The following TENM4 variants were observed in gnomAD, a reference collection of about 807,000 sequenced individuals.
TENM4 encodes teneurin-4.
TENM4 carries 82 observed loss-of-function variants against 243.3 expected under a neutral mutation model. That is an observed-to-expected ratio of 0.34 (90% CI 0.28 to 0.40). The LOEUF (loss-of-function observed/expected upper bound fraction) is 0.40, where lower values mean the gene tolerates loss of function less well. TENM4 is among the 10% of genes least tolerant of loss of function. The probability of loss-of-function intolerance (pLI) is 1.00; values close to 1 mark genes in which losing one functional copy is unlikely to be tolerated. For missense variants in TENM4, 3,138 were observed against 3,673.3 expected, an observed-to-expected ratio of 0.85 and a Z score of 3.77; for synonymous variants, 1,412 against 1,456.3, an observed-to-expected ratio of 0.97 and a Z score of 0.69.
chr11:79,374,641 G>A (rs1857854714), intron 1 of TENM4, among the ~76,000 whole-genome samples: 1 of 151,776 alleles, frequency 6.6e-6, no homozygotes, highest in African/African-American at 2.4e-5. Flanking sequence ...GTATAAGCTT[G>A]GTCAAAAAGT....
At chr11:78,677,762 C>T (rs11604202) in intron 29 of TENM4, among the ~76,000 whole-genome samples, 86,091 of 151,458 alleles carry the variant, frequency 0.57, 26,244 homozygotes, top group Non-Finnish European at 0.71. Context: ...TTAAAACATT[C>T]TAACTTAGAT....
At chr11:79,377,910 C>G (rs1421708930) in intron 1 of TENM4, among the ~76,000 whole-genome samples, 2 of 152,202 alleles carry the variant, frequency 1.3e-5, no homozygotes, top group African/African-American at 2.4e-5. Context: ...GCCAAGGGCA[C>G]CTTTCCCATC....
chr11:79,289,911 T>C (rs1290526020), intron 2 of TENM4, among the ~76,000 whole-genome samples: 1 of 152,230 alleles, frequency 6.6e-6, no homozygotes, highest in Non-Finnish European at 1.5e-5. Flanking sequence ...TTCTTTCTTC[T>C]CTTTTGCCTA....
Position 78,756,830 on chromosome 11 carries a change from GGA to G in TENM4, c.2729_2730del (p.Ile910ThrfsTer7), listed in dbSNP as rs1856319617. 43 of 1,613,684 alleles carry G rather than the reference GGA, an allele frequency of 2.7e-5. No homozygotes were observed. The highest frequency in any genetic ancestry group is 3.5e-5 in the Non-Finnish European group (41 of 1,179,866). The part of the protein sequence containing the change: ...FLVGRDSTHI[I>X]PGENPFDGGH... ...CCTCCATCAAAGGGGTTCTCCCCGG[GGA>G]TTATGTGCGTGCTGTCCCTGCCCAC... On this transcript the variant is annotated frameshift_variant, in exon 19 of 34. Transcript: ENST00000278550. LOFTEE classifies it high-confidence loss of function.
At chr11:78,753,100 A>G (rs1856227889) in intron 19 of TENM4, among the ~76,000 whole-genome samples, 1 of 152,204 alleles carries the variant, frequency 6.6e-6, no homozygotes, top group African/African-American at 2.4e-5. Context: ...TAAGGTTACA[A>G]AACTGGAAAG....
At chr11:79,088,505 C>T (rs959812115) in intron 4 of TENM4, among the ~76,000 whole-genome samples, 1 of 152,184 alleles carries the variant, frequency 6.6e-6, no homozygotes, top group Non-Finnish European at 1.5e-5. Context: ...GTGTGCCAGG[C>T]ACAATTCACT....
intron 1 of TENM4, among the ~76,000 whole-genome samples, chr11:79,364,373 C>CT (rs1490128224): frequency 6.6e-6 from 1 of 152,132 alleles, no homozygotes; most frequent in Non-Finnish European, 1.5e-5. Flanking sequence ...TCTCTCTCTC[C>CT]TCTTGTTCCC....
chr11:78,731,417 G>A (rs528787103), intron 21 of TENM4, among the ~76,000 whole-genome samples: 374 of 152,316 alleles, frequency 2.5e-3, no homozygotes, highest in African/African-American at 8.8e-3. Context: ...AACAGGGTAC[G>A]CACGGAAAGG....
intron 1 of TENM4, among the ~76,000 whole-genome samples, chr11:79,301,704 A>T (rs1302809525): frequency 6.6e-6 from 1 of 152,194 alleles, no homozygotes; most frequent in African/African-American, 2.4e-5. Flanking sequence ...AGGTGATTGG[A>T]TCGTGGGGTG....
intron 1 of TENM4, among the ~76,000 whole-genome samples, chr11:79,372,699 G>A (rs535655859): frequency 1.1e-4 from 16 of 152,278 alleles, no homozygotes; most frequent in South Asian, 8.3e-4. Flanking sequence ...GGGAGGGGAG[G>A]GGGGAATCTT....
intron 6 of TENM4, among the ~76,000 whole-genome samples, chr11:78,977,698 G>T (rs1032060445): frequency 3.9e-5 from 6 of 152,214 alleles, no homozygotes; most frequent in Non-Finnish European, 8.8e-5. Flanking sequence ...AAAAAGTCAG[G>T]AAACAACAGA....
chr11:78,876,565 T>C (rs1017733623), intron 9 of TENM4, among the ~76,000 whole-genome samples: 1 of 152,214 alleles, frequency 6.6e-6, no homozygotes, highest in Non-Finnish European at 1.5e-5. Flanking sequence ...TTTTTCCTGA[T>C]CCTCCCAGTT....
At chr11:78,695,021 A>C (rs1326648580) in intron 28 of TENM4, among the ~76,000 whole-genome samples, 1 of 152,038 alleles carries the variant, frequency 6.6e-6, no homozygotes, top group Non-Finnish European at 1.5e-5. Flanking sequence ...TGGGTGCCTC[A>C]GCGTCCTTTA....
rs1338817289 is a variant in TENM4, at chr11:78,967,062, C to T, written c.494-63539G>A. Among the ~76,000 whole-genome samples the T allele has an allele frequency of 2.6e-5, 4 of 152,162 alleles. No individual in the cohort carries two copies. The East Asian group carries it at 7.7e-4, about 29-fold the overall frequency. On this transcript the variant is annotated intron_variant, in intron 6 of 33. Transcript: ENST00000278550. ...TCCTCACAACTACCACCCTATATGT[C>T]TCTTAGCTTCCACTCATCCTTAGGG...
chr11:79,343,066 C>T (rs1377662974), intron 1 of TENM4, among the ~76,000 whole-genome samples: 1 of 152,252 alleles, frequency 6.6e-6, no homozygotes, highest in African/African-American at 2.4e-5. Context: ...CTGGCACACG[C>T]AGCTCACCCT....
chr11:79,327,342 T>C (rs1169731259), intron 1 of TENM4, among the ~76,000 whole-genome samples: 1 of 152,212 alleles, frequency 6.6e-6, no homozygotes, highest in Non-Finnish European at 1.5e-5. Context: ...GTCAATTACC[T>C]TTCATTTCAC....
At chr11:79,161,380 G>T (rs1302353607) in intron 3 of TENM4, among the ~76,000 whole-genome samples, 2 of 152,178 alleles carry the variant, frequency 1.3e-5, no homozygotes, top group Admixed American at 6.5e-5. Flanking sequence ...GAAAATCTCT[G>T]AATGTAATCT....
chr11:78,796,519 C>T (rs937704672), intron 15 of TENM4, among the ~76,000 whole-genome samples: 3 of 152,120 alleles, frequency 2.0e-5, no homozygotes, highest in Non-Finnish European at 2.9e-5. Context: ...GTCATAAGCT[C>T]ATCTATCTAA....
intron 2 of TENM4, among the ~76,000 whole-genome samples, chr11:79,233,089 C>A (rs1459798137): frequency 6.6e-6 from 1 of 152,198 alleles, no homozygotes; most frequent in East Asian, 1.9e-4. Context: ...TTGCCCTGAC[C>A]CCATGCCAGC....
Sources: gnomAD v4.1 joint callset for allele counts (sites outside exome capture counted in the v4.1 genomes callset) on GRCh38, gnomAD v4.1.1 for gene constraint, MANE v1.5 for transcripts, NCBI Gene and HGNC (gene_info 2026-07-23, HGNC 2026-07-21) for gene names.